Variants in ANO5 observed in about 807,000 individuals in gnomAD.
ANO5 encodes the protein anoctamin-5.
In ANO5, 109 loss-of-function variants were observed where a neutral mutation model predicts 121.0. The observed-to-expected ratio is 0.90, with a 90% confidence interval of 0.77 to 1.06. ANO5 has a LOEUF of 1.06. ANO5 is among the 50% of genes least tolerant of loss of function. ANO5 has a pLI of 0.00. For synonymous variants in ANO5, 406 were observed against 359.9 expected, an observed-to-expected ratio of 1.13 and a Z score of -1.45; for missense variants, 1,064 against 1,078.5, an observed-to-expected ratio of 0.99 and a Z score of 0.19.
intron 3 of ANO5, 103 bp downstream of exon 3, chr11:22,211,417 G>T: frequency 7.6e-7 from 1 of 1,308,436 alleles, no homozygotes. Context: ...TATTTGACAT[G>T]CTCTCATACA....
At chr11:22,212,611 G>A (rs1473741156) in intron 3 of ANO5, among the ~76,000 whole-genome samples, 1 of 151,832 alleles carries the variant, frequency 6.6e-6, no homozygotes, top group Non-Finnish European at 1.5e-5. Context: ...GTGTTGTTAT[G>A]CTTTTAGATT....
intron 21 of ANO5, among the ~76,000 whole-genome samples, chr11:22,277,467 C>T (rs1405705088): frequency 6.6e-6 from 1 of 151,450 alleles, no homozygotes; most frequent in Non-Finnish European, 1.5e-5. Context: ...AATATTTAAT[C>T]TCAATTCTGA....
intron 2 of ANO5, among the ~76,000 whole-genome samples, chr11:22,205,722 A>G (rs1044803547): frequency 6.6e-6 from 1 of 152,160 alleles, no homozygotes; most frequent in African/African-American, 2.4e-5. Flanking sequence ...CTTTAGCCAG[A>G]CTGGCAGAAA....
intron 21 of ANO5, among the ~76,000 whole-genome samples, chr11:22,277,412 G>A (rs1265964439): frequency 6.6e-6 from 1 of 151,460 alleles, no homozygotes; most frequent in East Asian, 1.9e-4. Flanking sequence ...GATACAGAGT[G>A]CCACCTGAGA....
intron 1 of ANO5, among the ~76,000 whole-genome samples, chr11:22,202,163 AAAATAAAATAAAATTAT>A (rs1215552481): frequency 1.4e-5 from 2 of 138,848 alleles, no homozygotes; most frequent in Non-Finnish European, 2.9e-5. Flanking sequence ...TCTGCTTTTT[AAAATAAAATAAAATTAT>A]AAATAAAATA....
At position 22,267,744 on chromosome 11, in the gene ANO5, C is replaced by T. The variant is rs147436726; in HGVS notation, c.1899-2568C>T. Reference sequence around the variant, plus strand: ...TTAAATCTAATACCCAGTACTTATTCTTCCTGATCCTCTCCCTCTTCTGAC... The same window carrying T: ...TTAAATCTAATACCCAGTACTTATTTTTCCTGATCCTCTCCCTCTTCTGAC... On this transcript the variant is annotated intron_variant, in intron 17 of 21. Coordinates refer to ENST00000324559, the MANE Select transcript of ANO5 (RefSeq NM_213599.3). Among the ~76,000 whole-genome samples the T allele has an allele frequency of 2.5e-3, 380 of 152,134 alleles. 1 individual carries two copies. Among genetic ancestry groups the T allele is most frequent in the African/African-American group, 8.9e-3 (371 of 41,492 alleles).
intron 17 of ANO5, among the ~76,000 whole-genome samples, chr11:22,264,028 T>TTC (rs1407622208): frequency 4.0e-5 from 6 of 149,612 alleles, no homozygotes; most frequent in Non-Finnish European, 8.9e-5. Flanking sequence ...CCAAACCTTT[T>TTC]TTTTTTTTTT....
chr11:22,277,760 G>A (rs1288188248), intron 21 of ANO5: 2 of 151,212 alleles, frequency 1.3e-5, no homozygotes, highest in East Asian at 3.9e-4. Context: ...TTTATTATTT[G>A]TGTTAATTTT....
intron 9 of ANO5, among the ~76,000 whole-genome samples, chr11:22,246,454 T>C (rs1162837598): frequency 6.6e-6 from 1 of 152,160 alleles, no homozygotes; most frequent in Non-Finnish European, 1.5e-5. Context: ...TCTGTCATGA[T>C]ACTGAAGGCC....
At position 22,213,205 on chromosome 11, in the gene ANO5, C is replaced by T. The variant is rs1852336760; in HGVS notation, c.138+1891C>T. Among the ~76,000 whole-genome samples, 3 of 151,806 alleles carry T rather than the reference C, an allele frequency of 2.0e-5. No individual in the cohort carries two copies. The South Asian group carries it at 6.2e-4, about 31-fold the overall frequency. On this transcript the variant is annotated intron_variant, in intron 3 of 21. Coordinates refer to ENST00000324559, the MANE Select transcript of ANO5 (RefSeq NM_213599.3). Reference sequence around the variant, plus strand: ...AACAATTAATGAACCTATATTGGTGCATTATTATCAAATAAAGTTCATGCT... The same window carrying T: ...AACAATTAATGAACCTATATTGGTGTATTATTATCAAATAAAGTTCATGCT...
chr11:22,275,154 A>G (rs1009616124), intron 20 of ANO5, among the ~76,000 whole-genome samples: 2 of 151,998 alleles, frequency 1.3e-5, no homozygotes, highest in Non-Finnish European at 2.9e-5. Flanking sequence ...CTCAGAAAAG[A>G]GAGTGAGACA....
In ANO5 at chr11:22,250,825, T is replaced by C. The variant is rs1199110897; in HGVS notation, c.1098T>C (p.Asn366=). 1 of 1,614,050 alleles carries C rather than the reference T, an allele frequency of 6.2e-7. No individual in the cohort carries two copies. The highest frequency in any genetic ancestry group is 1.3e-5 in the African/African-American group (1 of 75,048). The change falls in exon 11 of 22, where the codon AAT becomes AAC. Residue 366 remains asparagine (N), a synonymous_variant. Coordinates refer to ENST00000324559, the MANE Select transcript of ANO5 (RefSeq NM_213599.3). ...AAGTGTGTGATTATTGGAGACTAAA[T>C]AGTACGTGTTTGGCTTCAAAGGTAT... ...CDQVCDYWRL[N]STCLASKFSH... is the part of the protein sequence containing the mutation.
chr11:22,253,656 C>T (rs935371785), intron 12 of ANO5, among the ~76,000 whole-genome samples: 17 of 152,150 alleles, frequency 1.1e-4, no homozygotes, highest in African/African-American at 2.2e-4. Context: ...TTCTGCCTTA[C>T]GAAATTCACA....
chr11:22,261,241 G>A (rs4338529), intron 15 of ANO5: 57,663 of 152,110 alleles, frequency 0.38, 13,028 homozygotes, highest in Middle Eastern at 0.53. Flanking sequence ...TAATTGACTC[G>A]GTTCACATGG....
rs189175285 is a variant in ANO5, at chr11:22,197,904, T to A, written c.40+4372T>A. Among the ~76,000 whole-genome samples the A allele has an allele frequency of 2.9e-3, 434 of 152,112 alleles. 1 individual carries two copies. Among genetic ancestry groups the A allele is most frequent in the African/African-American group, 9.7e-3 (402 of 41,486 alleles). ...GAGGAATAGAAAGAAGCTGACAGAG[T>A]TGTTGGCTTCAAATCCTGCCTCTTC... On this transcript the variant is annotated intron_variant, in intron 1 of 21. Coordinates refer to ENST00000324559, the MANE Select transcript of ANO5 (RefSeq NM_213599.3).
chr11:22,226,722 A>T (rs138912896), intron 6 of ANO5, among the ~76,000 whole-genome samples: 131 of 152,210 alleles, frequency 8.6e-4, no homozygotes, highest in Non-Finnish European at 1.8e-3. Flanking sequence ...AGAAAAAGAA[A>T]AGAAAAACAG....
chr11:22,281,305 G>A lies in ANO5; in HGVS notation c.*1540G>A, dbSNP rs559487523. On this transcript the variant is annotated 3_prime_UTR_variant, in exon 22 of 22. Coordinates refer to ENST00000324559, the MANE Select transcript of ANO5 (RefSeq NM_213599.3). ...TGGTACTGCCAGTATTAAATATATGGCAGATGGTATTAACTACTGATCAAT... is the reference window on the plus strand; with the variant it reads ...TGGTACTGCCAGTATTAAATATATGACAGATGGTATTAACTACTGATCAAT... The A allele has an allele frequency of 6.6e-6, 1 of 152,070 alleles. No individual in the cohort carries two copies. The highest frequency in any genetic ancestry group is 2.1e-4 in the South Asian group (1 of 4,828). 9.4% of individuals were successfully genotyped at this position (152,070 alleles called of 1,614,324 possible).
At chr11:22,244,122 T>A (rs553847596) in intron 9 of ANO5, among the ~76,000 whole-genome samples, 5 of 152,228 alleles carry the variant, frequency 3.3e-5, no homozygotes, top group African/African-American at 1.2e-4. Context: ...ATCTCAGAAT[T>A]TGCTTGTCTG....
At position 22,280,195 on chromosome 11, in the gene ANO5, T is replaced by A. The variant is rs1208435974; in HGVS notation, c.*430T>A. ...AAATGTTGGGGCAAAAAGAAATGGA[T>A]CAAAGAGACTGACTGAGCCCTATAT... is the stretch of plus-strand genomic sequence containing the variant. On this transcript the variant is annotated 3_prime_UTR_variant, in exon 22 of 22. Coordinates refer to ENST00000324559, the MANE Select transcript of ANO5 (RefSeq NM_213599.3). 1 of 183,194 alleles carries A rather than the reference T, an allele frequency of 5.5e-6. No individual in the cohort carries two copies. Among genetic ancestry groups the A allele is most frequent in the Non-Finnish European group, 1.1e-5 (1 of 87,184 alleles). 11.3% of individuals were successfully genotyped at this position (183,194 alleles called of 1,614,324 possible). A position where few individuals can be genotyped will look rare whatever the true frequency, so the allele number is the denominator to read the frequency against.
Sources: allele counts gnomAD v4.1 joint callset (sites outside exome capture counted in the v4.1 genomes callset), GRCh38; gene constraint gnomAD v4.1.1; transcripts MANE v1.5; gene names NCBI Gene and HGNC (gene_info 2026-07-23, HGNC 2026-07-21).